The following ATM variants were observed in gnomAD, a reference collection of about 807,000 sequenced individuals.
The protein encoded by ATM is ATM serine/threonine kinase.
ATM carries 308 observed loss-of-function variants against 387.0 expected under a neutral mutation model. That is an observed-to-expected ratio of 0.80 (90% CI 0.73 to 0.87). The LOEUF is 0.87. Ranked by LOEUF, ATM falls within the 40% of genes least tolerant of loss-of-function variation. ATM has a pLI of 0.00. For synonymous variants in ATM, 1,156 were observed against 1,187.3 expected, an observed-to-expected ratio of 0.97 and a Z score of 0.54; for missense variants, 3,312 against 3,560.9, an observed-to-expected ratio of 0.93 and a Z score of 1.78.
At chr11:108,364,027 C>G (rs1387133833) in intron 61 of ATM, among the ~76,000 whole-genome samples, 1 of 152,122 alleles carries the variant, frequency 6.6e-6, no homozygotes, top group Non-Finnish European at 1.5e-5. Flanking sequence ...ACTTAACGGA[C>G]AAGCTACATG....
chr11:108,277,989 ACTTGG>A (rs2082037745), intron 22 of ATM, among the ~76,000 whole-genome samples: 1 of 152,240 alleles, frequency 6.6e-6, no homozygotes, highest in African/African-American at 2.4e-5. Context: ...CTAAAACAAT[ACTTGG>A]CATGTGATAG....
chr11:108,345,609 T>A, intron 57 of ATM, 134 bp from the exon 58 acceptor site: 1 of 716,916 alleles, frequency 1.4e-6, no homozygotes, highest in Non-Finnish European at 2.2e-6. Context: ...GTCCAGACTG[T>A]TAGCTTCTTG....
chr11:108,308,675 GT>G, intron 38 of ATM: 1 of 282,604 alleles, frequency 3.5e-6, no homozygotes. Context: ...TATGGTGGTG[GT>G]AGGGGTGGTT....
At chr11:108,238,786 G>T (rs2079422355) in intron 5 of ATM, among the ~76,000 whole-genome samples, 2 of 151,724 alleles carry the variant, frequency 1.3e-5, no homozygotes, top group Admixed American at 1.3e-4. Context: ...TATTACATTG[G>T]CTAGGACCTC....
rs664677 is a variant in ATM at position 108,272,455 on chromosome 11, C to T, written c.3078-77C>T. 722,352 of 1,221,380 alleles carry T rather than the reference C, an allele frequency of 0.59. 216,825 individuals are homozygous for T. Among genetic ancestry groups the T allele is most frequent in the African/African-American group, 0.78 (52,354 of 66,870 alleles). 75.7% of individuals were successfully genotyped at this position (1,221,380 alleles called of 1,614,324 possible). ...AGAAAGACATATTGGAAGTAACTTA[C>T]AATAACCTTTCAGTGAGTTTTCTGA... On this transcript the variant is annotated intron_variant, in intron 20 of 62. Coordinates refer to ENST00000675843, the MANE Select transcript of ATM (RefSeq NM_000051.4).
chr11:108,274,905 T>C (rs748440762), intron 22 of ATM, among the ~76,000 whole-genome samples: 1 of 152,196 alleles, frequency 6.6e-6, no homozygotes, highest in Non-Finnish European at 1.5e-5. Flanking sequence ...AGAGTTCGGT[T>C]CAAGTCCTGA....
intron 61 of ATM, among the ~76,000 whole-genome samples, chr11:108,357,505 CA>C (rs1327089750): frequency 3.3e-5 from 5 of 152,218 alleles, no homozygotes; most frequent in Non-Finnish European, 5.9e-5. Flanking sequence ...CACAGACAAA[CA>C]AAAAGACAGC....
Position 108,368,103 on chromosome 11 carries a change from G to A in ATM, c.*2595G>A. 1 of 207,718 alleles carries A rather than the reference G, an allele frequency of 4.8e-6. No homozygotes were observed. The highest frequency in any genetic ancestry group is 9.8e-6 in the Non-Finnish European group (1 of 102,100). 12.9% of individuals were successfully genotyped at this position (207,718 alleles called of 1,614,324 possible). ...TGGTATGCTATGAGGCTCCTGTTCT[G>A]TTCAAGTATTCTAATCAATGGCTTT... is the stretch of plus-strand genomic sequence containing the variant. On this transcript the variant is annotated 3_prime_UTR_variant, in exon 63 of 63. Coordinates refer to ENST00000675843, the MANE Select transcript of ATM (RefSeq NM_000051.4).
intron 61 of ATM, among the ~76,000 whole-genome samples, chr11:108,356,688 T>C (rs941897768): frequency 1.8e-4 from 28 of 152,190 alleles, no homozygotes; most frequent in South Asian, 2.1e-4. Context: ...AGTACTTGTA[T>C]CCTACCTAAC....
intron 16 of ATM, among the ~76,000 whole-genome samples, chr11:108,260,209 A>G (rs966081329): frequency 1.3e-5 from 2 of 151,996 alleles, no homozygotes; most frequent in Middle Eastern, 3.4e-3. Context: ...TAATTTTTGT[A>G]TTTTTAGTAG....
At chr11:108,323,024 CTGCTATTT>C (rs1300735138) in intron 45 of ATM, among the ~76,000 whole-genome samples, 5 of 151,978 alleles carry the variant, frequency 3.3e-5, no homozygotes, top group African/African-American at 7.3e-5. Flanking sequence ...CCTTTTAGCC[CTGCTATTT>C]TGAATTACTA....
intron 4 of ATM, among the ~76,000 whole-genome samples, chr11:108,234,545 C>G (rs972394032): frequency 6.6e-6 from 1 of 152,146 alleles, no homozygotes; most frequent in East Asian, 1.9e-4. Flanking sequence ...AAAAATGACA[C>G]AGGTACAGGG....
chr11:108,293,614 A>C, intron 31 of ATM, 137 bp downstream of exon 31: 1 of 787,028 alleles, frequency 1.3e-6, no homozygotes, highest in Non-Finnish European at 2.0e-6. Flanking sequence ...GGCCAGGCAC[A>C]TTGGCTCATG....
intron 37 of ATM, among the ~76,000 whole-genome samples, chr11:108,306,831 T>C (rs927202069): frequency 3.9e-5 from 6 of 152,232 alleles, no homozygotes; most frequent in Non-Finnish European, 8.8e-5. Context: ...GCCTACTTTT[T>C]TAAATGTGTA....
chr11:108,304,925 C>T (rs571795047), intron 37 of ATM, 73 bp downstream of exon 37: 1 of 1,491,314 alleles, frequency 6.7e-7, no homozygotes, highest in East Asian at 2.4e-5. Flanking sequence ...GATGGAATCC[C>T]ACTAAAAGCA....
In ATM at chr11:108,279,536, A is replaced by G. The variant is rs1009383081; in HGVS notation, c.3330A>G (p.Ala1110=). 1.9e-6 allele frequency: 3 copies of G among 1,613,820 alleles called. No homozygotes were observed. Among genetic ancestry groups the G allele is most frequent in the Non-Finnish European group, 2.5e-6 (3 of 1,179,842 alleles). Residue 1110 remains alanine, a synonymous_variant, in exon 23 of 63, where the codon GCA becomes GCG. Transcript: ENST00000675843. ...TKGDSSRLLK[A]LPLKLQQTAF... ...GAGATTCTTCCAGGTTACTGAAAGC[A>G]CTTCCTTTGAAGCTTCAGCAAACAG...
intron 49 of ATM, 39 bp downstream of exon 49, chr11:108,329,277 A>T: frequency 6.6e-7 from 1 of 1,526,464 alleles, no homozygotes; most frequent in Non-Finnish European, 9.0e-7. Flanking sequence ...TATGTTCACC[A>T]GTTAACTGAG....
At chr11:108,321,524 T>C (rs957645333) in intron 45 of ATM, 104 bp downstream of exon 45, 50 of 1,531,420 alleles carry the variant, frequency 3.3e-5, no homozygotes, top group Non-Finnish European at 4.3e-5. Flanking sequence ...GGCTCATGCC[T>C]GTAATCCTAG....
chr11:108,342,883 A>C (rs1289388645), intron 56 of ATM, among the ~76,000 whole-genome samples: 1 of 152,212 alleles, frequency 6.6e-6, no homozygotes, highest in African/African-American at 2.4e-5. Flanking sequence ...CTAAAATTTT[A>C]AGGAAAGCAG....
Sources: gnomAD v4.1 joint callset for allele counts (sites outside exome capture counted in the v4.1 genomes callset) on GRCh38, gnomAD v4.1.1 for gene constraint, MANE v1.5 for transcripts, NCBI Gene and HGNC (gene_info 2026-07-23, HGNC 2026-07-21) for gene names.